CACNA2D3: variants seen among roughly 807,000 people sequenced by gnomAD.
CACNA2D3 encodes calcium voltage-gated channel auxiliary subunit alpha2delta 3.
A neutral mutation model predicts 160.6 loss-of-function variants in CACNA2D3; 60 were observed. The observed-to-expected ratio is 0.37, with a 90% CI of 0.30 to 0.46. The LOEUF (loss-of-function observed/expected upper bound fraction) is 0.46, where lower values mean the gene tolerates loss of function less well. CACNA2D3 is among the 20% of genes least tolerant of loss of function. The pLI is 1.00. For synonymous variants in CACNA2D3, 558 were observed against 492.9 expected, an observed-to-expected ratio of 1.13 and a Z score of -1.75; for missense variants, 1,205 against 1,365.0, an observed-to-expected ratio of 0.88 and a Z score of 1.85.
intron 4 of CACNA2D3, among the ~76,000 whole-genome samples, chr3:54,478,003 A>G (rs1700860260): frequency 6.6e-6 from 1 of 152,196 alleles, no homozygotes; most frequent in South Asian, 2.1e-4. Flanking sequence ...TATGTCTTCA[A>G]CATTTTCCTC....
intron 2 of CACNA2D3, among the ~76,000 whole-genome samples, chr3:54,266,328 C>T (rs1487356930): frequency 6.6e-6 from 1 of 152,154 alleles, no homozygotes; most frequent in African/African-American, 2.4e-5. Context: ...TAGTTATTAT[C>T]TCAGACAACT....
intron 17 of CACNA2D3, among the ~76,000 whole-genome samples, chr3:54,852,578 C>T (rs772114773): frequency 1.1e-4 from 17 of 152,204 alleles, no homozygotes; most frequent in Non-Finnish European, 2.4e-4. Context: ...CTGTGTCACT[C>T]TGGACTGTCC....
chr3:54,744,365 T>G (rs1701709484), intron 11 of CACNA2D3, among the ~76,000 whole-genome samples: 1 of 152,196 alleles, frequency 6.6e-6, no homozygotes, highest in South Asian at 2.1e-4. Flanking sequence ...CAGATGTTCT[T>G]AGACAGTCCT....
chr3:54,139,194 G>A (rs1437860950), intron 2 of CACNA2D3, among the ~76,000 whole-genome samples: 1 of 152,238 alleles, frequency 6.6e-6, no homozygotes, highest in Non-Finnish European at 1.5e-5. Context: ...ACCATGAGAT[G>A]GGTGGCACTT....
At chr3:54,853,819 T>C (rs1575512374) in intron 17 of CACNA2D3, among the ~76,000 whole-genome samples, 1 of 152,258 alleles carries the variant, frequency 6.6e-6, no homozygotes, top group African/African-American at 2.4e-5. Flanking sequence ...CAGGCCTGAC[T>C]TCTCTGTCTC....
chr3:54,503,301 G>A (rs966837274), intron 4 of CACNA2D3, among the ~76,000 whole-genome samples, 191 bp from the exon 5 acceptor site: 2 of 152,168 alleles, frequency 1.3e-5, no homozygotes, highest in African/African-American at 4.8e-5. Context: ...AGTGACATTG[G>A]AAACTATTTA....
At chr3:54,630,412 A>G (rs1391599664) in intron 10 of CACNA2D3, among the ~76,000 whole-genome samples, 1 of 152,046 alleles carries the variant, frequency 6.6e-6, no homozygotes, top group Non-Finnish European at 1.5e-5. Context: ...ACTATTTCCC[A>G]TAGCATGCGC....
chr3:54,436,983 A>G (rs6768189), intron 4 of CACNA2D3, among the ~76,000 whole-genome samples: 120,741 of 152,212 alleles, frequency 0.79, 48,137 homozygotes, highest in African/African-American at 0.87. Flanking sequence ...AGGCTTCTGC[A>G]CTTCATTAGA....
intron 11 of CACNA2D3, among the ~76,000 whole-genome samples, chr3:54,663,064 G>A (rs1381504545): frequency 6.6e-6 from 1 of 152,200 alleles, no homozygotes; most frequent in Non-Finnish European, 1.5e-5. Context: ...TGAGGAGAAA[G>A]AACAAGGTGA....
intron 26 of CACNA2D3, among the ~76,000 whole-genome samples, chr3:54,898,279 G>C (rs1024100366): frequency 6.8e-6 from 1 of 146,652 alleles, no homozygotes; most frequent in African/African-American, 2.5e-5. Flanking sequence ...TTGGAGTGCA[G>C]TGGCATGATC....
chr3:54,829,882 CATCTTTTT>C (rs1334646416), intron 14 of CACNA2D3, among the ~76,000 whole-genome samples: 1 of 112,124 alleles, frequency 8.9e-6, no homozygotes, highest in African/African-American at 3.4e-5. Flanking sequence ...TCTTCTTCTT[CATCTTTTT>C]TTTTTTTTTT....
intron 5 of CACNA2D3, among the ~76,000 whole-genome samples, chr3:54,556,892 A>G (rs1158247361): frequency 2.6e-5 from 4 of 152,196 alleles, no homozygotes; most frequent in African/African-American, 7.2e-5. Flanking sequence ...GGACCTGGGT[A>G]TATGTGGGGC....
chr3:54,630,021 GTTA>G (rs1699200519), intron 10 of CACNA2D3, among the ~76,000 whole-genome samples: 1 of 152,198 alleles, frequency 6.6e-6, no homozygotes, highest in Non-Finnish European at 1.5e-5. Flanking sequence ...CTTGTTCACA[GTTA>G]TTGAGAATTT....
chr3:55,004,904 A>G (rs1703058610), intron 32 of CACNA2D3, 66 bp downstream of exon 32: 2 of 1,117,632 alleles, frequency 1.8e-6, no homozygotes, highest in South Asian at 1.3e-5. Flanking sequence ...TCTGAGTGTT[A>G]TCTTCCTCTT....
intron 2 of CACNA2D3, among the ~76,000 whole-genome samples, chr3:54,287,684 C>T (rs2107471977): frequency 2.1e-5 from 3 of 144,354 alleles, no homozygotes; most frequent in Middle Eastern, 6.8e-3. Flanking sequence ...AAGTAAAGCT[C>T]TCCTCAGCAA....
chr3:54,695,056 C>T (rs1477356134), intron 11 of CACNA2D3, among the ~76,000 whole-genome samples: 6 of 151,986 alleles, frequency 3.9e-5, no homozygotes, highest in African/African-American at 1.5e-4. Context: ...TTGCTCTTGT[C>T]ACCCAGGCTG....
chr3:54,548,465 A>G (rs1016632046), intron 5 of CACNA2D3, among the ~76,000 whole-genome samples: 1 of 152,110 alleles, frequency 6.6e-6, no homozygotes, highest in Non-Finnish European at 1.5e-5. Context: ...TTATTCTACT[A>G]CCCCATTGGC....
At chr3:54,685,486 T>TC (rs1363925369) in intron 11 of CACNA2D3, among the ~76,000 whole-genome samples, 1 of 152,196 alleles carries the variant, frequency 6.6e-6, no homozygotes, top group Non-Finnish European at 1.5e-5. Flanking sequence ...AGTGAATCAG[T>TC]CAGTCAATCT....
At chr3:54,500,705 A>T (rs1389801905) in intron 4 of CACNA2D3, among the ~76,000 whole-genome samples, 1 of 151,624 alleles carries the variant, frequency 6.6e-6, no homozygotes, top group Non-Finnish European at 1.5e-5. Context: ...TTAGCATATA[A>T]ATTATGCTTC....
Sources: allele counts gnomAD v4.1 joint callset (sites outside exome capture counted in the v4.1 genomes callset), GRCh38; gene constraint gnomAD v4.1.1; transcripts MANE v1.5; gene names NCBI Gene and HGNC (gene_info 2026-07-23, HGNC 2026-07-21).